The following FAM91A1 variants were observed in gnomAD, a reference collection of about 807,000 sequenced individuals.
The protein encoded by FAM91A1 is protein FAM91A1.
Under a neutral mutation model 113.5 loss-of-function variants are expected in FAM91A1, and 41 were observed. The ratio of observed to expected loss-of-function variants is 0.36; its 90% confidence interval spans 0.28 to 0.47. The LOEUF is 0.47. Among genes scored for constraint, FAM91A1 ranks in the 20% least tolerant of loss-of-function variants. The pLI is 1.00. For missense variants in FAM91A1, 696 were observed against 1,001.2 expected (o/e 0.70, Z 4.11); for synonymous variants, 307 against 347.9 (o/e 0.88, Z 1.31).
chr8:123,768,866 T>C (rs889564336), intron 1 of FAM91A1, 92 bp downstream of exon 1: 11 of 1,308,030 alleles, frequency 8.4e-6, no homozygotes, highest in Non-Finnish European at 1.2e-5. Flanking sequence ...AGCGGGCTGC[T>C]GCCGGCTGAC....
chr8:123,787,963 C>A (rs966842228), intron 14 of FAM91A1, among the ~76,000 whole-genome samples: 1 of 152,174 alleles, frequency 6.6e-6, no homozygotes. Context: ...AGTGATATGT[C>A]TACCTCATCT....
At position 123,812,782 on chromosome 8, in the gene FAM91A1, A is replaced by T. The variant is rs997896630; in HGVS notation, c.*78A>T. 6 of 1,181,800 alleles carry T rather than the reference A, an allele frequency of 5.1e-6. No individual in the cohort carries two copies. The Admixed American group carries it at 1.9e-4, about 38-fold the overall frequency. The allele number at this position is 1,181,800 out of a possible 1,614,324, so 73.2% of individuals were successfully genotyped here. A position where few individuals can be genotyped will look rare whatever the true frequency, so the allele number is the denominator to read the frequency against. ...TTAGCTTTATAGTGTCAGCCACTAAAAAGCATCCTGCTGCTGCAGTGCAAT... is the reference window on the plus strand; with the variant it reads ...TTAGCTTTATAGTGTCAGCCACTAATAAGCATCCTGCTGCTGCAGTGCAAT... On this transcript the variant is annotated 3_prime_UTR_variant, in exon 24 of 24. Coordinates refer to ENST00000334705, the MANE Select transcript of FAM91A1 (RefSeq NM_144963.4).
chr8:123,798,515 G>GC (rs1181403046), intron 16 of FAM91A1, among the ~76,000 whole-genome samples: 14 of 152,130 alleles, frequency 9.2e-5, no homozygotes, highest in Non-Finnish European at 1.9e-4. Flanking sequence ...AAGGAAGCTG[G>GC]CATCATTTTG....
At chr8:123,792,938 A>C (rs1208655567) in intron 15 of FAM91A1, among the ~76,000 whole-genome samples, 2 of 152,178 alleles carry the variant, frequency 1.3e-5, no homozygotes, top group African/African-American at 4.8e-5. Flanking sequence ...GTTCTGAATT[A>C]TCAATCAGAA....
chr8:123,768,609 C>A lies in FAM91A1; in HGVS notation c.-94C>A. 8.6e-7 allele frequency: 1 copy of A among 1,162,596 alleles called. No individual in the cohort carries two copies. The highest frequency in any genetic ancestry group is 1.2e-6 in the Non-Finnish European group (1 of 841,164). The allele number at this position is 1,162,596 out of a possible 1,614,324, so 72.0% of individuals were successfully genotyped here. A position where few individuals can be genotyped will look rare whatever the true frequency, so the allele number is the denominator to read the frequency against. On this transcript the variant is annotated 5_prime_UTR_variant, in exon 1 of 24. Transcript: ENST00000334705. The stretch of plus-strand genomic sequence containing the variant: ...CTGCAGTGTGAGGCGCGGGGCCTCC[C>A]GCGTCGCTCCGCTGACAGGCTGCGG...
Position 123,768,685 on chromosome 8 carries a change from GGC to G in FAM91A1, c.-17_-16del. ...GGTCGCGGTGGCGGCCCCGGCCGCC[GGC>G]CCTGGCCGCGGCATCATGAACATAG... On this transcript the variant is annotated 5_prime_UTR_variant, in exon 1 of 24. Transcript: ENST00000334705. 2 of 1,522,996 alleles carry G rather than the reference GGC, an allele frequency of 1.3e-6. No homozygotes were observed. Among genetic ancestry groups the G allele is most frequent in the South Asian group, 1.3e-5 (1 of 79,438 alleles). 94.3% of individuals were successfully genotyped at this position (1,522,996 alleles called of 1,614,324 possible).
intron 22 of FAM91A1, 113 bp downstream of exon 22, chr8:123,809,129 A>G: frequency 3.6e-6 from 5 of 1,394,672 alleles, no homozygotes; most frequent in African/African-American, 1.4e-5. Flanking sequence ...TTCTGTATAT[A>G]TTTGTTGATT....
chr8:123,789,936 C>T (rs1815344251), intron 15 of FAM91A1, among the ~76,000 whole-genome samples, 191 bp downstream of exon 15: 2 of 152,046 alleles, frequency 1.3e-5, no homozygotes, highest in South Asian at 4.1e-4. Context: ...TTTTACTTTT[C>T]TCATGTGCCA....
At chr8:123,769,117 CAAAT>C (rs1814777855) in intron 1 of FAM91A1, among the ~76,000 whole-genome samples, 1 of 152,176 alleles carries the variant, frequency 6.6e-6, no homozygotes, top group South Asian at 2.1e-4. Flanking sequence ...GGATGGGAAA[CAAAT>C]GAATACGATA....
At chr8:123,781,030 A>G (rs1055749418) in intron 8 of FAM91A1, among the ~76,000 whole-genome samples, 3 of 152,156 alleles carry the variant, frequency 2.0e-5, no homozygotes, top group Admixed American at 6.5e-5. Context: ...GGATGTATCA[A>G]TTTATTAAAC....
chr8:123,780,410 A>C (rs1475676762), intron 7 of FAM91A1, 70 bp from the exon 8 acceptor site: 5 of 1,145,748 alleles, frequency 4.4e-6, no homozygotes, highest in Non-Finnish European at 6.4e-6. Context: ...GAAAGCCAGG[A>C]ATTAGTTTTT....
chr8:123,786,676 C>A, intron 12 of FAM91A1, 66 bp downstream of exon 12: 1 of 1,142,586 alleles, frequency 8.8e-7, no homozygotes, highest in Non-Finnish European at 1.3e-6. Flanking sequence ...AACATACACT[C>A]TTACAGTTAC....
intron 3 of FAM91A1, among the ~76,000 whole-genome samples, chr8:123,775,513 A>G (rs1389373233): frequency 2.0e-5 from 3 of 152,076 alleles, no homozygotes; most frequent in South Asian, 2.1e-4. Context: ...GAAGCTGTCT[A>G]TTTCTCTTCT....
chr8:123,807,480 CAAAAAA>C (rs546080328), intron 20 of FAM91A1, among the ~76,000 whole-genome samples: 39 of 58,944 alleles, frequency 6.6e-4, no homozygotes, highest in East Asian at 3.1e-3. Flanking sequence ...CCTGTCTCTA[CAAAAAA>C]AAAAAAAAAA....
In FAM91A1 at chr8:123,805,269, G is replaced by T. The variant is rs761803813; in HGVS notation, c.1812G>T (p.Gly604=). 3 of 1,609,700 alleles carry T rather than the reference G, an allele frequency of 1.9e-6. No individual in the cohort carries two copies. Among genetic ancestry groups the T allele is most frequent in the Non-Finnish European group, 8.5e-7 (1 of 1,177,824 alleles). Residue 604 remains glycine (G), a splice_region_variant and synonymous_variant, in exon 19 of 24, where the codon GGG becomes GGT. Coordinates refer to ENST00000334705, the MANE Select transcript of FAM91A1 (RefSeq NM_144963.4). The stretch of plus-strand genomic sequence containing the variant: ...TTTTAACTTTTGTTTATGTTTAGGG[G>T]CATGGTCTGCATGGGATAGGAGAAA... ...ALTHSAVLIQ[G]HGLHGIGETV...
At chr8:123,789,786 A>G in intron 15 of FAM91A1, 41 bp downstream of exon 15, 1 of 1,593,732 alleles carries the variant, frequency 6.3e-7, no homozygotes, top group Non-Finnish European at 8.6e-7. Context: ...TGATCATATG[A>G]AACTTTTTTC....
In FAM91A1 at chr8:123,812,865, T is replaced by C. The variant is rs1440581587; in HGVS notation, c.*161T>C. ...ATATTCATGTTTTCTGAAGTTTTGC[T>C]CATTATTGCACATCTTATTGCGACA... is the stretch of plus-strand genomic sequence containing the variant. On this transcript the variant is annotated 3_prime_UTR_variant, in exon 24 of 24. Transcript: ENST00000334705. 2 of 649,068 alleles carry C rather than the reference T, an allele frequency of 3.1e-6. No homozygotes were observed. Among genetic ancestry groups the C allele is most frequent in the East Asian group, 3.2e-5 (1 of 31,536 alleles). 40.2% of individuals were successfully genotyped at this position (649,068 alleles called of 1,614,324 possible). A position where few individuals can be genotyped will look rare whatever the true frequency, so the allele number is the denominator to read the frequency against.
rs1308980630 is a variant in FAM91A1, at chr8:123,799,863, C to T, written c.1787C>T (p.Thr596Ile). The T allele has an allele frequency of 1.9e-6, 3 of 1,597,750 alleles. No homozygotes were observed. Among genetic ancestry groups the T allele is most frequent in the Non-Finnish European group, 2.6e-6 (3 of 1,168,328 alleles). The change falls in exon 18 of 24, where the codon ACA (threonine) becomes ATA (isoleucine). Residue 596 changes from threonine (T) to isoleucine (I), a missense_variant. Thr to Ile is a moderately conservative substitution (Grantham distance 89). Coordinates refer to ENST00000334705, the MANE Select transcript of FAM91A1 (RefSeq NM_144963.4). ...CTCACGATGTTGAATGATGCTTTAA[C>T]ACATTCTGCAGTTTTAATTCAGGTA... is the stretch of plus-strand genomic sequence containing the variant. ...NVLTMLNDAL[T>I]HSAVLIQGHG...
chr8:123,789,684 G>A lies in FAM91A1; in HGVS notation c.1350G>A (p.Leu450=), dbSNP rs756529346. The part of the protein sequence containing the change: ...DHALTLRNTI[L]FLRHNKDLVA... ...CACTTACTCTGAGAAACACAATACTGTTTCTGCGTCATAACAAAGATCTAG... is the reference window on the plus strand; with the variant it reads ...CACTTACTCTGAGAAACACAATACTATTTCTGCGTCATAACAAAGATCTAG... Residue 450 remains leucine, a synonymous_variant, in exon 15 of 24, where the codon CTG becomes CTA. Transcript: ENST00000334705. The A allele has an allele frequency of 6.2e-7, 1 of 1,612,924 alleles. No homozygotes were observed. Among genetic ancestry groups the A allele is most frequent in the Non-Finnish European group, 8.5e-7 (1 of 1,179,816 alleles).
Sources: allele counts gnomAD v4.1 joint callset (sites outside exome capture counted in the v4.1 genomes callset), GRCh38; gene constraint gnomAD v4.1.1; transcripts MANE v1.5; gene names NCBI Gene and HGNC (gene_info 2026-07-23, HGNC 2026-07-21).